Variants in TANC2 observed in about 807,000 individuals in gnomAD.
TANC2 encodes the protein protein TANC2.
A neutral mutation model predicts 210.5 loss-of-function variants in TANC2; 26 were observed. The ratio of observed to expected loss-of-function variants is 0.12; its 90% CI spans 0.09 to 0.17. The LOEUF is 0.17. Ranked by LOEUF, TANC2 falls within the 10% of genes least tolerant of loss-of-function variation. The pLI is 1.00. For missense variants in TANC2, 2,129 were observed against 2,608.9 expected, an observed-to-expected ratio of 0.82 and a Z score of 4.01; for synonymous variants, 931 against 967.1, an observed-to-expected ratio of 0.96 and a Z score of 0.69.
At chr17:63,211,249 T>G (rs945696198) in intron 7 of TANC2, among the ~76,000 whole-genome samples, 1 of 152,196 alleles carries the variant, frequency 6.6e-6, no homozygotes, top group Non-Finnish European at 1.5e-5. Context: ...CTCTTTTGGC[T>G]CTCATTTGCC....
In TANC2 at chr17:63,399,454, C is replaced by T. The variant is rs189004749; in HGVS notation, c.3331+540C>T. On this transcript the variant is annotated intron_variant, in intron 19 of 27. Transcript: ENST00000689528. Reference sequence around the variant, plus strand: ...ATGAATGCCCAGCCTCATGCAGTTCCTGTTGGTCTGTAGCAAATCAGTTTC... The same window carrying T: ...ATGAATGCCCAGCCTCATGCAGTTCTTGTTGGTCTGTAGCAAATCAGTTTC... Among the ~76,000 whole-genome samples the T allele has an allele frequency of 4.6e-5, 7 of 152,308 alleles. No individual in the cohort carries two copies. In the East Asian group the frequency reaches 1.3e-3, roughly 29 times the overall value.
chr17:62,993,941 C>T (rs1434674496), intron 1 of TANC2, among the ~76,000 whole-genome samples: 1 of 152,002 alleles, frequency 6.6e-6, no homozygotes, highest in African/African-American at 2.4e-5. Context: ...AAAAAAAATA[C>T]AACTGATTTT....
chr17:63,105,761 G>A (rs746241876), intron 4 of TANC2, among the ~76,000 whole-genome samples: 11 of 151,598 alleles, frequency 7.3e-5, no homozygotes, highest in Non-Finnish European at 1.6e-4. Flanking sequence ...CCTGTAGATA[G>A]TATTAGTCTC....
chr17:63,204,509 AGTCCC>A (rs2145823734), intron 7 of TANC2, among the ~76,000 whole-genome samples: 1 of 152,202 alleles, frequency 6.6e-6, no homozygotes, highest in African/African-American at 2.4e-5. Flanking sequence ...GTGAACTTGT[AGTCCC>A]AGCTCCTTGG....
chr17:63,364,713 G>A (rs2047060536), intron 14 of TANC2, among the ~76,000 whole-genome samples: 3 of 152,018 alleles, frequency 2.0e-5, no homozygotes. Flanking sequence ...CTTGAGGCCA[G>A]GAGTTCAAGG....
At chr17:63,117,584 G>A (rs566113814) in intron 4 of TANC2, among the ~76,000 whole-genome samples, 2 of 152,322 alleles carry the variant, frequency 1.3e-5, no homozygotes, top group South Asian at 4.1e-4. Context: ...GCTATAAGAA[G>A]TATCACCTGT....
chr17:63,323,450 A>G lies in TANC2; in HGVS notation c.1575+4360A>G, dbSNP rs544895649. On this transcript the variant is annotated intron_variant, in intron 11 of 27. Transcript: ENST00000689528. ...CGAGCGTGTCTCCACTTAACATTAC[A>G]TATTTCTTCTAAAGCATAATCACAG... 1.1e-4 allele frequency among the ~76,000 whole-genome samples: 16 copies of G among 152,292 alleles called. No homozygotes were observed. In the South Asian group the frequency reaches 3.1e-3, roughly 30 times the overall value.
chr17:63,059,048 A>G (rs1279603492), intron 2 of TANC2, among the ~76,000 whole-genome samples: 1 of 152,028 alleles, frequency 6.6e-6, no homozygotes, highest in Non-Finnish European at 1.5e-5. Flanking sequence ...CATTTTAATG[A>G]TATTGATTCT....
chr17:63,086,988 G>A (rs1469705631), intron 3 of TANC2, among the ~76,000 whole-genome samples: 1 of 152,220 alleles, frequency 6.6e-6, no homozygotes, highest in African/African-American at 2.4e-5. Context: ...GCCTGCAGCG[G>A]CAACTCACTG....
chr17:62,987,745 A>G (rs1048391803), intron 1 of TANC2, among the ~76,000 whole-genome samples: 1 of 152,082 alleles, frequency 6.6e-6, no homozygotes, highest in Non-Finnish European at 1.5e-5. Context: ...TCCCTTTGAC[A>G]TTCCAGTCAA....
At chr17:62,977,214 T>G (rs1285110968) in intron 1 of TANC2, among the ~76,000 whole-genome samples, 1 of 152,244 alleles carries the variant, frequency 6.6e-6, no homozygotes, top group Non-Finnish European at 1.5e-5. Flanking sequence ...TCCCTAAGCT[T>G]CAGTTATTTC....
intron 2 of TANC2, among the ~76,000 whole-genome samples, chr17:63,066,805 C>A (rs1188547065): frequency 6.6e-6 from 1 of 151,590 alleles, no homozygotes; most frequent in African/African-American, 2.4e-5. Flanking sequence ...TCATGAAGTA[C>A]ATGCAGAGCA....
At chr17:63,006,701 G>A (rs2033638709) in intron 1 of TANC2, among the ~76,000 whole-genome samples, 1 of 152,110 alleles carries the variant, frequency 6.6e-6, no homozygotes, top group South Asian at 2.1e-4. Context: ...TTGTGTTATA[G>A]TTTGTTTTTA....
intron 7 of TANC2, among the ~76,000 whole-genome samples, chr17:63,220,829 TGTATATATGTGTGTATATAC>T (rs1342440817): frequency 6.7e-6 from 1 of 149,200 alleles, no homozygotes; most frequent in Non-Finnish European, 1.5e-5. Flanking sequence ...TACGTGTATA[TGTATATATGTGTGTATATAC>T]GTATATACGT....
At chr17:63,078,405 A>G (rs2036645561) in intron 3 of TANC2, among the ~76,000 whole-genome samples, 1 of 152,006 alleles carries the variant, frequency 6.6e-6, no homozygotes, top group Non-Finnish European at 1.5e-5. Context: ...CCTGTCTTCT[A>G]TGTCATTGAT....
intron 2 of TANC2, among the ~76,000 whole-genome samples, chr17:63,056,011 A>G (rs1236139892): frequency 1.2e-5 from 1 of 86,062 alleles, no homozygotes; most frequent in Non-Finnish European, 2.4e-5. Flanking sequence ...ATATATATAT[A>G]TATATATATA....
rs141052098 is a variant in TANC2 at position 63,351,769 on chromosome 17, A to G, written c.1974+353A>G. Among the ~76,000 whole-genome samples the G allele has an allele frequency of 3.5e-3, 526 of 152,234 alleles. 4 individuals are homozygous for G. The highest frequency in any genetic ancestry group is 0.012 in the African/African-American group (507 of 41,550). ...TTTTTTGATCATTTAATGCTATGCAAAATTCAGTTCAATCTACATCCTAGA... is the reference window on the plus strand; with the variant it reads ...TTTTTTGATCATTTAATGCTATGCAGAATTCAGTTCAATCTACATCCTAGA... On this transcript the variant is annotated intron_variant, in intron 13 of 27. Coordinates refer to ENST00000689528, the Ensembl canonical transcript of TANC2.
chr17:63,215,328 G>A (rs958657275), intron 7 of TANC2, among the ~76,000 whole-genome samples: 24 of 152,278 alleles, frequency 1.6e-4, no homozygotes, highest in African/African-American at 5.3e-4. Context: ...ATTGAACAAT[G>A]TGATAATAAA....
At chr17:63,036,151 T>G (rs1322171250) in intron 2 of TANC2, among the ~76,000 whole-genome samples, 1 of 152,152 alleles carries the variant, frequency 6.6e-6, no homozygotes, top group Non-Finnish European at 1.5e-5. Context: ...TTTGATAAAG[T>G]TCATTTTTCT....
Sources: allele counts gnomAD v4.1 joint callset (sites outside exome capture counted in the v4.1 genomes callset), GRCh38; gene constraint gnomAD v4.1.1; transcripts MANE v1.5; gene names NCBI Gene and HGNC (gene_info 2026-07-23, HGNC 2026-07-21).